Variants in KIAA0232 observed in about 807,000 individuals in gnomAD.
The protein encoded by KIAA0232 is KIAA0232, also known as uncharacterized protein KIAA0232.
In KIAA0232, 27 loss-of-function variants were observed where a neutral mutation model predicts 122.0. That is an observed-to-expected ratio of 0.22 (90% CI 0.16 to 0.31). The LOEUF is 0.31. Ranked by LOEUF, KIAA0232 falls within the 10% of genes least tolerant of loss-of-function variation. The probability of loss-of-function intolerance (pLI) is 1.00; values close to 1 mark genes in which losing one functional copy is unlikely to be tolerated. For synonymous variants in KIAA0232, 613 were observed against 587.6 expected (o/e 1.04, Z -0.63); for missense variants, 1,551 against 1,634.2 (o/e 0.95, Z 0.88).
Position 6,855,333 on chromosome 4 carries a change from C to G in KIAA0232, c.370-1831C>G, listed in dbSNP as rs900909969. ...GAACTCCTGACCTCAAGTGATCCAC[C>G]CACCTTGGCCTCCCAAAGTGCTGGG... On this transcript the variant is annotated intron_variant, in intron 4 of 9. Transcript: ENST00000307659. This position sits in a 1 kb window ranked among gnomAD's most constrained non-coding sequence, Gnocchi z 4.3. Among the ~76,000 whole-genome samples, 1 of 152,004 alleles carries G rather than the reference C, an allele frequency of 6.6e-6. No homozygotes were observed. Among genetic ancestry groups the G allele is most frequent in the Admixed American group, 6.6e-5 (1 of 15,252 alleles).
At chr4:6,827,005 C>G (rs542981602) in intron 3 of KIAA0232, among the ~76,000 whole-genome samples, 2 of 152,104 alleles carry the variant, frequency 1.3e-5, no homozygotes, top group Non-Finnish European at 2.9e-5. Context: ...TCCAGAGTTC[C>G]GGTTCGTTCC....
intron 2 of KIAA0232, among the ~76,000 whole-genome samples, chr4:6,815,259 A>G (rs1718064902): frequency 6.6e-6 from 1 of 152,180 alleles, no homozygotes; most frequent in South Asian, 2.1e-4. Flanking sequence ...CAAAACCAGC[A>G]CTGACCCTCA....
rs1442602798 is a variant in KIAA0232, at chr4:6,862,090, T to G, written c.1708T>G (p.Ser570Ala). The change falls in exon 7 of 10, where the codon TCT becomes GCT. Residue 570 changes from serine to alanine, a missense_variant. Physicochemically the swap from Ser to Ala is moderately conservative, Grantham distance 99 (BLOSUM62 1). Coordinates refer to ENST00000307659, the MANE Select transcript of KIAA0232 (RefSeq NM_014743.3). ...AGGGGAACGTGCAATATGGACAGATTCTACCAGCTCCGTAGGTGCTGAGGG... is the reference window on the plus strand; with the variant it reads ...AGGGGAACGTGCAATATGGACAGATGCTACCAGCTCCGTAGGTGCTGAGGG... Reference protein sequence around the residue: ...LQGERAIWTDSTSSVGAEGLF... With the variant: ...LQGERAIWTDATSSVGAEGLF... 1.9e-6 allele frequency: 3 copies of G among 1,614,058 alleles called. No individual in the cohort carries two copies. The highest frequency in any genetic ancestry group is 1.1e-5 in the South Asian group (1 of 91,092).
chr4:6,879,878 G>A (rs13152152), intron 9 of KIAA0232, among the ~76,000 whole-genome samples: 159 of 32,580 alleles, frequency 4.9e-3, no homozygotes, highest in African/African-American at 0.015. Context: ...CAACACACAG[G>A]TCTGCAGTGT....
chr4:6,808,687 A>G (rs953634657), intron 2 of KIAA0232, among the ~76,000 whole-genome samples: 2 of 151,926 alleles, frequency 1.3e-5, no homozygotes, highest in African/African-American at 4.8e-5. Flanking sequence ...TAAAATTCCT[A>G]TGTTAGTTAG....
chr4:6,801,896 A>C (rs1443352014), intron 1 of KIAA0232, among the ~76,000 whole-genome samples: 1 of 152,182 alleles, frequency 6.6e-6, no homozygotes. Context: ...TTATTTGTAT[A>C]CATGCCACCA....
At chr4:6,838,024 T>A (rs1719428336) in intron 3 of KIAA0232, among the ~76,000 whole-genome samples, 1 of 152,120 alleles carries the variant, frequency 6.6e-6, no homozygotes, top group Non-Finnish European at 1.5e-5. Context: ...CTTTGTCAGA[T>A]GGATAGATTG....
chr4:6,827,375 G>T (rs765301681), intron 3 of KIAA0232, among the ~76,000 whole-genome samples: 2 of 152,130 alleles, frequency 1.3e-5, no homozygotes, highest in Non-Finnish European at 2.9e-5. Flanking sequence ...GAGTGGAAGG[G>T]GCCTTAGCTT....
intron 7 of KIAA0232, among the ~76,000 whole-genome samples, chr4:6,865,585 G>A (rs190936175): frequency 6.2e-4 from 95 of 152,372 alleles, no homozygotes; most frequent in Admixed American, 1.7e-3. Context: ...ACAGGCGTGA[G>A]CCACCGCGTC....
intron 7 of KIAA0232, among the ~76,000 whole-genome samples, chr4:6,869,393 G>T (rs1239872434): frequency 6.6e-6 from 1 of 152,172 alleles, no homozygotes; most frequent in African/African-American, 2.4e-5. Context: ...CACCTTCCTT[G>T]CTCCCCCTGA....
At chr4:6,866,230 A>G in intron 7 of KIAA0232, 2 of 983,892 alleles carry the variant, frequency 2.0e-6, no homozygotes, top group South Asian at 4.7e-5. Context: ...GCAAGATTCT[A>G]CATCATACCA....
intron 8 of KIAA0232, among the ~76,000 whole-genome samples, chr4:6,874,059 A>G (rs1389366500): frequency 6.6e-6 from 1 of 152,218 alleles, no homozygotes; most frequent in East Asian, 1.9e-4. Context: ...TCCCCTTTAC[A>G]GTAAGGCGAG....
chr4:6,846,639 T>C (rs1324913599), intron 4 of KIAA0232, among the ~76,000 whole-genome samples: 2 of 151,912 alleles, frequency 1.3e-5, no homozygotes, highest in Non-Finnish European at 2.9e-5. Context: ...ACCAGCTCAC[T>C]GGCCTCTTGG....
Position 6,876,705 on chromosome 4 carries a change from C to G in KIAA0232, c.3956C>G (p.Pro1319Arg). Residue 1319 changes from proline to arginine, a missense_variant, in exon 9 of 10, where the codon CCA becomes CGA. Physicochemically the swap from Pro to Arg is moderately radical, Grantham distance 103. Coordinates refer to ENST00000307659, the MANE Select transcript of KIAA0232 (RefSeq NM_014743.3). ...GGAGAGAGTGGTTTAGAAGAATATC[C>G]AGATGCTAAAGAGACACCCAGTAAT... Reference protein sequence around the residue: ...AKGESGLEEYPDAKETPSNEE... With the variant: ...AKGESGLEEYRDAKETPSNEE... 1.2e-6 allele frequency: 2 copies of G among 1,613,224 alleles called. No individual in the cohort carries two copies. Among genetic ancestry groups the G allele is most frequent in the South Asian group, 1.1e-5 (1 of 91,066 alleles).
intron 1 of KIAA0232, among the ~76,000 whole-genome samples, chr4:6,795,361 C>T (rs934894904): frequency 9.9e-5 from 15 of 152,152 alleles, no homozygotes; most frequent in Non-Finnish European, 1.8e-4. Flanking sequence ...CGTGAGCCAC[C>T]GCGCCCGGCC....
intron 1 of KIAA0232, among the ~76,000 whole-genome samples, chr4:6,804,125 T>G (rs1012400633): frequency 3.9e-5 from 6 of 152,342 alleles, no homozygotes; most frequent in African/African-American, 1.4e-4. Context: ...GTAGGAATTC[T>G]CAATGTGTTT....
intron 7 of KIAA0232, among the ~76,000 whole-genome samples, chr4:6,870,600 C>G (rs1458648049): frequency 6.6e-6 from 1 of 152,070 alleles, no homozygotes; most frequent in Non-Finnish European, 1.5e-5. Flanking sequence ...GTCACAAGTT[C>G]GAGACCAGCC....
chr4:6,818,943 C>T (rs1718280426), intron 2 of KIAA0232, among the ~76,000 whole-genome samples: 1 of 152,100 alleles, frequency 6.6e-6, no homozygotes, highest in African/African-American at 2.4e-5. Flanking sequence ...GCCATCGAAT[C>T]TTCAACAAAG....
At chr4:6,840,054 A>G (rs998707792) in intron 3 of KIAA0232, among the ~76,000 whole-genome samples, 2 of 152,096 alleles carry the variant, frequency 1.3e-5, no homozygotes, top group African/African-American at 4.8e-5. Context: ...ACGGGGGAAA[A>G]AAGACTCAAA....
Sources: gnomAD v4.1 joint callset for allele counts (sites outside exome capture counted in the v4.1 genomes callset) on GRCh38, gnomAD v4.1.1 for gene constraint, Gnocchi (gnomAD v3.1) non-coding constraint, MANE v1.5 for transcripts, NCBI Gene and HGNC (gene_info 2026-07-23, HGNC 2026-07-21) for gene names.